Variants in RPS6KC1 observed in about 807,000 individuals in gnomAD.
RPS6KC1 encodes the protein ribosomal protein S6 kinase C1, also known as inactive ribosomal protein S6 kinase delta-1.
A neutral mutation model predicts 103.8 loss-of-function variants in RPS6KC1; 54 were observed. The ratio of observed to expected loss-of-function variants is 0.52; its 90% confidence interval spans 0.42 to 0.65. RPS6KC1 has a LOEUF of 0.65. Among genes scored for constraint, RPS6KC1 ranks in the 30% least tolerant of loss-of-function variants. RPS6KC1 has a pLI of 0.00. For missense variants in RPS6KC1, 1,151 were observed against 1,253.8 expected (o/e 0.92, Z 1.24); for synonymous variants, 439 against 438.7 (o/e 1.00, Z -0.01).
chr1:213,862,531 C>T, the RPS6KC1 span, among the ~76,000 whole-genome samples: 2 of 152,076 alleles, frequency 1.3e-5, no homozygotes, highest in Admixed American at 1.3e-4. Context: ...TTCTACTCTG[C>T]TTTTGCAATC....
At chr1:213,396,893 G>A in the RPS6KC1 span, among the ~76,000 whole-genome samples, 1 of 152,188 alleles carries the variant, frequency 6.6e-6, no homozygotes, top group Non-Finnish European at 1.5e-5. Flanking sequence ...GTGCATCCAT[G>A]CCATGGCCAA....
At chr1:213,642,963 T>C in the RPS6KC1 span, among the ~76,000 whole-genome samples, 16 of 151,886 alleles carry the variant, frequency 1.1e-4, no homozygotes, top group Non-Finnish European at 2.2e-4. Flanking sequence ...GCTGATTTTA[T>C]CAAACACTAA....
At chr1:213,279,150 G>C (rs1337165747), downstream of RPS6KC1, among the ~76,000 whole-genome samples, 1 of 152,160 alleles carries the variant, frequency 6.6e-6, no homozygotes, top group East Asian at 1.9e-4. Context: ...AGTTAAAAGA[G>C]ATAATTTTAG....
At chr1:213,860,661 A>G in the RPS6KC1 span, among the ~76,000 whole-genome samples, 2 of 152,100 alleles carry the variant, frequency 1.3e-5, no homozygotes, top group Non-Finnish European at 2.9e-5. Context: ...GAATAGCACT[A>G]TATGTTTAAG....
chr1:213,157,363 T>G (rs185667559), intron 6 of RPS6KC1, among the ~76,000 whole-genome samples: 1 of 152,168 alleles, frequency 6.6e-6, no homozygotes, highest in Non-Finnish European at 1.5e-5. Flanking sequence ...CCTGCCACCA[T>G]GTCCGGCTAA....
the RPS6KC1 span, among the ~76,000 whole-genome samples, chr1:213,512,839 G>A: frequency 2.0e-5 from 3 of 152,156 alleles, no homozygotes; most frequent in African/African-American, 7.2e-5. Flanking sequence ...CCAAGACATA[G>A]GAATTAGTTC....
the RPS6KC1 span, among the ~76,000 whole-genome samples, chr1:213,823,187 C>CA: frequency 6.6e-6 from 1 of 152,184 alleles, no homozygotes; most frequent in African/African-American, 2.4e-5. Context: ...GAAAAGCTTT[C>CA]ATAGACCATC....
the RPS6KC1 span, among the ~76,000 whole-genome samples, chr1:213,769,000 T>G: frequency 6.6e-6 from 1 of 151,978 alleles, no homozygotes; most frequent in African/African-American, 2.4e-5. Context: ...AGCCCAGAAG[T>G]AGGGACAACA....
chr1:213,052,273 A>G (rs906757686), intron 1 of RPS6KC1, among the ~76,000 whole-genome samples: 1 of 152,234 alleles, frequency 6.6e-6, no homozygotes, highest in East Asian at 1.9e-4. Flanking sequence ...GTGCATGAAT[A>G]TATGTGTATA....
the RPS6KC1 span, among the ~76,000 whole-genome samples, chr1:213,606,281 G>T: frequency 2.0e-5 from 3 of 152,176 alleles, no homozygotes; most frequent in Admixed American, 6.5e-5. Flanking sequence ...ACCTTCTGGG[G>T]CTGGCAAACA....
At chr1:213,696,523 A>G in the RPS6KC1 span, among the ~76,000 whole-genome samples, 9 of 150,994 alleles carry the variant, frequency 6.0e-5, no homozygotes, top group Admixed American at 2.6e-4. Flanking sequence ...AAAAAAAAAA[A>G]AAAAAAGAAA....
the RPS6KC1 span, among the ~76,000 whole-genome samples, chr1:213,563,740 A>G: frequency 6.6e-6 from 1 of 152,110 alleles, no homozygotes; most frequent in Non-Finnish European, 1.5e-5. Flanking sequence ...CTTGAATTCT[A>G]CCTGTCTTCC....
chr1:213,650,875 C>A, the RPS6KC1 span, among the ~76,000 whole-genome samples: 1 of 146,614 alleles, frequency 6.8e-6, no homozygotes, highest in Non-Finnish European at 1.5e-5. Flanking sequence ...TAGCCCAGAG[C>A]AGACTTCTGA....
At chr1:213,087,910 C>T (rs1484502395) in intron 3 of RPS6KC1, among the ~76,000 whole-genome samples, 1 of 152,170 alleles carries the variant, frequency 6.6e-6, no homozygotes, top group Non-Finnish European at 1.5e-5. Flanking sequence ...GACTCTAGAC[C>T]TGGTTGCCCT....
At chr1:213,584,215 G>C in the RPS6KC1 span, among the ~76,000 whole-genome samples, 1 of 152,206 alleles carries the variant, frequency 6.6e-6, no homozygotes, top group East Asian at 1.9e-4. Flanking sequence ...CAGCCATGTG[G>C]AACTGTGAAC....
At chr1:213,858,317 T>A in the RPS6KC1 span, among the ~76,000 whole-genome samples, 2 of 152,126 alleles carry the variant, frequency 1.3e-5, no homozygotes, top group Non-Finnish European at 2.9e-5. Flanking sequence ...AGGTGAGCAC[T>A]CCAGTGACTA....
chr1:213,355,657 A>C, the RPS6KC1 span, among the ~76,000 whole-genome samples: 1 of 152,232 alleles, frequency 6.6e-6, no homozygotes, highest in African/African-American at 2.4e-5. Flanking sequence ...CTTGCAGAAC[A>C]CACAAAGTAT....
chr1:213,242,320 T>C, intron 11 of RPS6KC1, 23 bp downstream of exon 11: 1 of 1,611,086 alleles, frequency 6.2e-7, no homozygotes, highest in South Asian at 1.1e-5. Flanking sequence ...TGCAAATGCA[T>C]TTCTTTTTAT....
the RPS6KC1 span, among the ~76,000 whole-genome samples, chr1:213,334,316 T>C: frequency 6.6e-6 from 1 of 152,198 alleles, no homozygotes; most frequent in Non-Finnish European, 1.5e-5. Context: ...AACACCTTTA[T>C]TACATTCTTC....
Sources: gnomAD v4.1 joint callset for allele counts (sites outside exome capture counted in the v4.1 genomes callset) on GRCh38, gnomAD v4.1.1 for gene constraint, MANE v1.5 for transcripts, NCBI Gene and HGNC (gene_info 2026-07-23, HGNC 2026-07-21) for gene names.